The following CELF4 variants were observed in gnomAD, a reference collection of about 807,000 sequenced individuals.
CELF4 encodes the protein CUGBP Elav-like family member 4, also known as CUG-BP- and ETR-3-like factor 4.
In CELF4, 18 loss-of-function variants were observed where a neutral mutation model predicts 59.9. The ratio of observed to expected loss-of-function variants is 0.30; its 90% confidence interval spans 0.21 to 0.45. CELF4 has a LOEUF of 0.45. Among genes scored for constraint, CELF4 ranks in the 20% least tolerant of loss-of-function variants. The pLI, the probability that CELF4 is intolerant of heterozygous loss-of-function variation, is 1.00. For synonymous variants in CELF4, 261 were observed against 267.1 expected (o/e 0.98, Z 0.22); for missense variants, 456 against 689.0 (o/e 0.66, Z 3.79).
chr18:37,280,524 C>T lies in CELF4; in HGVS notation c.449-5281G>A, dbSNP rs547313947. On this transcript the variant is annotated intron_variant, in intron 3 of 12. Coordinates refer to ENST00000420428, the MANE Select transcript of CELF4 (RefSeq NM_020180.4). ...TGAGAGAACAAAGGCCTGATAGATA[C>T]ATTCAGTAACTCTGGGATGAAGGCC... Among the ~76,000 whole-genome samples the T allele has an allele frequency of 2.6e-5, 4 of 152,316 alleles. No homozygotes were observed. In the South Asian group the frequency reaches 6.2e-4, roughly 24 times the overall value.
At chr18:37,386,174 C>G (rs906692831) in intron 2 of CELF4, among the ~76,000 whole-genome samples, 2 of 152,168 alleles carry the variant, frequency 1.3e-5, no homozygotes, top group African/African-American at 4.8e-5. Context: ...CCCGCTGTCC[C>G]CCTAAAGAAT....
Position 37,505,813 on chromosome 18 carries a change from G to A in CELF4, c.287-20206C>T, listed in dbSNP as rs547250082. Among the ~76,000 whole-genome samples, 165 of 152,342 alleles carry A rather than the reference G, an allele frequency of 1.1e-3. 1 individual carries two copies. Among genetic ancestry groups the A allele is most frequent in the Non-Finnish European group, 1.9e-3 (131 of 68,028 alleles). ...GTGCCCCAGGCCTGTTGTGACACAT[G>A]TGAAGCTCCCAGTACACTGCCAGGC... is the stretch of plus-strand genomic sequence containing the variant. On this transcript the variant is annotated intron_variant, in intron 1 of 12. Transcript: ENST00000420428.
At position 37,267,333 on chromosome 18, in the gene CELF4, C is replaced by G. The variant is rs536754355; in HGVS notation, c.1100-735G>C. 2.0e-5 allele frequency among the ~76,000 whole-genome samples: 3 copies of G among 152,210 alleles called. No homozygotes were observed. In the South Asian group the frequency reaches 6.2e-4, roughly 31 times the overall value. ...GAGGTCCCCTGTACAGATACTTTGG[C>G]AAGAAACTCAGGGAAGTTGGGCTGA... is the stretch of plus-strand genomic sequence containing the variant. On this transcript the variant is annotated intron_variant, in intron 8 of 12. Transcript: ENST00000420428.
intron 2 of CELF4, among the ~76,000 whole-genome samples, chr18:37,409,374 G>A (rs780997146): frequency 1.6e-4 from 24 of 152,134 alleles, no homozygotes; most frequent in Non-Finnish European, 3.1e-4. Context: ...AATCTTGGGG[G>A]TATTGCAGTC....
chr18:37,489,434 G>A (rs1034175798), intron 1 of CELF4, among the ~76,000 whole-genome samples: 3 of 152,072 alleles, frequency 2.0e-5, no homozygotes, highest in Admixed American at 6.5e-5. Flanking sequence ...GGGAAGAAAG[G>A]GTGCCCAAGC....
chr18:37,317,275 T>C (rs2096899339), intron 3 of CELF4, among the ~76,000 whole-genome samples: 1 of 152,208 alleles, frequency 6.6e-6, no homozygotes, highest in African/African-American at 2.4e-5. Context: ...TAATCCCAGC[T>C]ACTCCGGAGG....
rs2154250141 is a variant in CELF4 at position 37,246,629 on chromosome 18, C to G, written c.*45-1432G>C. ...CCCTTTGAAGTGAGATTGAAAATAG[C>G]CTAACTGGAAAAAGACCAGACCTAG... On this transcript the variant is annotated intron_variant, in intron 12 of 12. Coordinates refer to ENST00000420428, the MANE Select transcript of CELF4 (RefSeq NM_020180.4). The surrounding 1 kb of genome is among the most constrained non-coding windows in gnomAD (Gnocchi z 5.3). 6.6e-6 allele frequency among the ~76,000 whole-genome samples: 1 copy of G among 151,678 alleles called. No homozygotes were observed. Among genetic ancestry groups the G allele is most frequent in the East Asian group, 1.9e-4 (1 of 5,146 alleles).
chr18:37,352,458 T>C (rs548428566), intron 2 of CELF4, among the ~76,000 whole-genome samples: 1 of 152,004 alleles, frequency 6.6e-6, no homozygotes, highest in Non-Finnish European at 1.5e-5. Flanking sequence ...GCCTGGGCAA[T>C]ATAGTGAGAC....
intron 2 of CELF4, among the ~76,000 whole-genome samples, chr18:37,461,243 G>A (rs563168302): frequency 1.3e-5 from 2 of 152,296 alleles, no homozygotes; most frequent in South Asian, 2.1e-4. Flanking sequence ...CAAGAGTGCC[G>A]TGTTAATCTG....
At chr18:37,547,089 T>C (rs1002563928) in intron 1 of CELF4, among the ~76,000 whole-genome samples, 3 of 152,062 alleles carry the variant, frequency 2.0e-5, no homozygotes, top group Admixed American at 6.5e-5. Context: ...AAGAAAACCA[T>C]AGGTTTCCTG....
intron 2 of CELF4, among the ~76,000 whole-genome samples, chr18:37,345,038 T>C (rs575539996): frequency 6.6e-6 from 1 of 152,316 alleles, no homozygotes; most frequent in Admixed American, 6.5e-5. Flanking sequence ...GGATGTAGAA[T>C]GTGCTGGGGT....
At chr18:37,322,560 G>A (rs1222158323) in intron 2 of CELF4, among the ~76,000 whole-genome samples, 2 of 152,168 alleles carry the variant, frequency 1.3e-5, no homozygotes, top group African/African-American at 2.4e-5. Flanking sequence ...TCCCCTAGCC[G>A]CCGGCCTCTC....
At chr18:37,543,122 G>T (rs998646827) in intron 1 of CELF4, among the ~76,000 whole-genome samples, 5 of 152,036 alleles carry the variant, frequency 3.3e-5, no homozygotes, top group African/African-American at 9.7e-5. Context: ...GCTCCCCAAG[G>T]GTTGCACCAC....
At chr18:37,339,484 T>C (rs2097909907) in intron 2 of CELF4, among the ~76,000 whole-genome samples, 1 of 152,188 alleles carries the variant, frequency 6.6e-6, no homozygotes, top group South Asian at 2.1e-4. Context: ...CCAGGCACAG[T>C]GGCTCATGTC....
intron 8 of CELF4, 123 bp from the exon 9 acceptor site, chr18:37,266,721 G>T: frequency 1.2e-6 from 1 of 863,064 alleles, no homozygotes; most frequent in Non-Finnish European, 1.8e-6. Flanking sequence ...GTGCCCTGGG[G>T]CAGGGCATCC....
At chr18:37,434,987 A>G (rs1345207452) in intron 2 of CELF4, among the ~76,000 whole-genome samples, 1 of 152,150 alleles carries the variant, frequency 6.6e-6, no homozygotes, top group African/African-American at 2.4e-5. Context: ...TTGGGGGAGA[A>G]AAATGGCAAG....
chr18:37,387,712 G>C (rs993328459), intron 2 of CELF4, among the ~76,000 whole-genome samples: 2 of 152,232 alleles, frequency 1.3e-5, no homozygotes, highest in African/African-American at 4.8e-5. Context: ...CCTTCTGCGG[G>C]TGGGACTTTG....
chr18:37,464,367 C>A (rs1045298569), intron 2 of CELF4, among the ~76,000 whole-genome samples: 3 of 152,160 alleles, frequency 2.0e-5, no homozygotes, highest in African/African-American at 7.2e-5. Flanking sequence ...TCTGATGCCT[C>A]CAGCTCAGGG....
chr18:37,532,315 A>T (rs1357730118), intron 1 of CELF4, among the ~76,000 whole-genome samples: 1 of 152,150 alleles, frequency 6.6e-6, no homozygotes, highest in Admixed American at 6.5e-5. Context: ...TTCCTGTGGC[A>T]GTTTGGGGAA....
Sources: allele counts gnomAD v4.1 joint callset (sites outside exome capture counted in the v4.1 genomes callset), GRCh38; gene constraint gnomAD v4.1.1; non-coding constraint Gnocchi (gnomAD v3.1); transcripts MANE v1.5; gene names NCBI Gene and HGNC (gene_info 2026-07-23, HGNC 2026-07-21).